The following FARS2 variants were observed in gnomAD, a reference collection of about 807,000 sequenced individuals.
FARS2 encodes the protein phenylalanyl-tRNA synthetase 2, mitochondrial, also known as phenylalanine--tRNA ligase, mitochondrial.
FARS2 carries 40 observed loss-of-function variants against 46.4 expected under a neutral mutation model. That is an observed-to-expected ratio of 0.86 (90% CI 0.67 to 1.12). FARS2 has a LOEUF of 1.12. FARS2 is among the 50% of genes most tolerant of loss of function. FARS2 has a pLI of 0.00. For synonymous variants in FARS2, 234 were observed against 214.9 expected (o/e 1.09, Z -0.78); for missense variants, 513 against 567.9 (o/e 0.90, Z 0.98).
intron 2 of FARS2, among the ~76,000 whole-genome samples, chr6:5,377,296 C>T (rs943662276): frequency 6.6e-6 from 1 of 152,184 alleles, no homozygotes; most frequent in Non-Finnish European, 1.5e-5. Context: ...TGTGTGGGCC[C>T]TGAGGATGGA....
chr6:5,580,206 C>T (rs542393824), intron 5 of FARS2, among the ~76,000 whole-genome samples: 4 of 144,152 alleles, frequency 2.8e-5, no homozygotes, highest in South Asian at 4.7e-4. Flanking sequence ...AGGAGAATGG[C>T]GTGAACCCGA....
At position 5,343,930 on chromosome 6, in the gene FARS2, A is replaced by G. The variant is rs1449854175; in HGVS notation, c.-21-24620A>G. Among the ~76,000 whole-genome samples, 2 of 152,234 alleles carry G rather than the reference A, an allele frequency of 1.3e-5. No individual in the cohort carries two copies. The highest frequency in any genetic ancestry group is 2.4e-5 in the African/African-American group (1 of 41,452). On this transcript the variant is annotated intron_variant, in intron 1 of 6. Coordinates refer to ENST00000274680, the MANE Select transcript of FARS2 (RefSeq NM_006567.5). This position sits in a 1 kb window ranked among gnomAD's most constrained non-coding sequence, Gnocchi z 4.5. ...CCACAGCCATAAGTGGTCCTTGTGC[A>G]TGGCAATGGCTAAGAATGGGCACTG...
At chr6:5,392,893 A>ATAAATTATATATATGTATATATACATATG (rs1562007443) in intron 2 of FARS2, among the ~76,000 whole-genome samples, 1 of 139,330 alleles carries the variant, frequency 7.2e-6, no homozygotes, top group Non-Finnish European at 1.5e-5. Flanking sequence ...ATATACATAT[A>ATAAATTATATATATGTATATATACATATG]TGTGTGTATA....
chr6:5,581,047 G>A (rs1301398549), intron 5 of FARS2, among the ~76,000 whole-genome samples: 2 of 152,230 alleles, frequency 1.3e-5, no homozygotes, highest in East Asian at 1.9e-4. Flanking sequence ...GGAAGCTGAC[G>A]AGGCCCATGG....
At chr6:5,425,637 A>T (rs563950948) in intron 3 of FARS2, among the ~76,000 whole-genome samples, 3 of 152,234 alleles carry the variant, frequency 2.0e-5, no homozygotes, top group African/African-American at 7.2e-5. Flanking sequence ...TGTGGCAGGT[A>T]ATGTCCTGCT....
intron 6 of FARS2, among the ~76,000 whole-genome samples, chr6:5,617,631 A>G (rs2150685902): frequency 6.6e-6 from 1 of 152,358 alleles, no homozygotes; most frequent in Admixed American, 6.5e-5. Flanking sequence ...AAGTTTCTTT[A>G]AAAGTTGAAT....
At chr6:5,487,661 A>G (rs59532380) in intron 4 of FARS2, among the ~76,000 whole-genome samples, 197 of 152,264 alleles carry the variant, frequency 1.3e-3, no homozygotes, top group African/African-American at 4.6e-3. Context: ...TCTCCCCAAC[A>G]CGCATGGGTT....
At chr6:5,571,257 C>T (rs1007651863) in intron 5 of FARS2, among the ~76,000 whole-genome samples, 4 of 152,180 alleles carry the variant, frequency 2.6e-5, no homozygotes, top group African/African-American at 9.7e-5. Context: ...TGGGCCTACA[C>T]GAATATAAGC....
At chr6:5,257,795 C>T (rs1764751718), upstream of FARS2, among the ~76,000 whole-genome samples, 2 of 152,150 alleles carry the variant, frequency 1.3e-5, no homozygotes, top group South Asian at 2.1e-4. Context: ...CATGGAAAAA[C>T]TGTCTTCCAT....
At chr6:5,623,541 G>A (rs995929751) in intron 6 of FARS2, among the ~76,000 whole-genome samples, 8 of 152,138 alleles carry the variant, frequency 5.3e-5, no homozygotes, top group Non-Finnish European at 1.0e-4. Flanking sequence ...GTGAAACCCC[G>A]TCTCTACTAA....
intron 5 of FARS2, among the ~76,000 whole-genome samples, chr6:5,559,392 A>C (rs1013432285): frequency 6.6e-6 from 1 of 152,206 alleles, no homozygotes; most frequent in Non-Finnish European, 1.5e-5. Context: ...CAACAGAGTG[A>C]GACCCTATCT....
chr6:5,718,572 A>G (rs1474497119), intron 6 of FARS2, among the ~76,000 whole-genome samples: 1 of 152,226 alleles, frequency 6.6e-6, no homozygotes, highest in African/African-American at 2.4e-5. Context: ...AGACATTTGA[A>G]ATATCAAATT....
chr6:5,412,398 C>T (rs368056645), intron 3 of FARS2, among the ~76,000 whole-genome samples: 14 of 152,344 alleles, frequency 9.2e-5, no homozygotes, highest in African/African-American at 2.9e-4. Context: ...TTGACTTCTC[C>T]CTCTGCCCAG....
intron 4 of FARS2, among the ~76,000 whole-genome samples, chr6:5,490,406 A>G (rs1767033378): frequency 6.6e-6 from 1 of 152,122 alleles, no homozygotes; most frequent in Admixed American, 6.5e-5. Context: ...CTCTTGTTTC[A>G]ATACTTAGAA....
chr6:5,269,829 G>A (rs71557557), intron 1 of FARS2, among the ~76,000 whole-genome samples: 2,137 of 152,304 alleles, frequency 0.014, 60 homozygotes, highest in African/African-American at 0.048. Flanking sequence ...ATTAACAATA[G>A]AAGATATACA....
chr6:5,754,318 T>C (rs1026444663), intron 6 of FARS2, among the ~76,000 whole-genome samples: 2 of 152,160 alleles, frequency 1.3e-5, no homozygotes, highest in African/African-American at 4.8e-5. Flanking sequence ...AGTAGTCGGA[T>C]CTCTGGGAAG....
chr6:5,520,119 G>T (rs115085531), intron 4 of FARS2, among the ~76,000 whole-genome samples: 1 of 152,076 alleles, frequency 6.6e-6, no homozygotes. Flanking sequence ...GGAACCTGCC[G>T]CACCCTAGGG....
At chr6:5,296,762 T>G (rs773602597) in intron 1 of FARS2, among the ~76,000 whole-genome samples, 9 of 152,194 alleles carry the variant, frequency 5.9e-5, no homozygotes, top group Non-Finnish European at 8.8e-5. Flanking sequence ...TTTCCTTCCT[T>G]TTTAAGGCCG....
rs1765582737 is a variant in FARS2, at chr6:5,467,638, C to T, written c.904+36466C>T. ...TGAACAATCTAATTTTTTCCAGTAG[C>T]TTCCACTCTCTTCTGTGGATAAATG... On this transcript the variant is annotated intron_variant, in intron 4 of 6. Coordinates refer to ENST00000274680, the MANE Select transcript of FARS2 (RefSeq NM_006567.5). 3.9e-5 allele frequency among the ~76,000 whole-genome samples: 6 copies of T among 152,276 alleles called. 2 individuals carry two copies. The highest frequency in any genetic ancestry group is 1.4e-4 in the African/African-American group (6 of 41,546).
Sources: gnomAD v4.1 joint callset for allele counts (sites outside exome capture counted in the v4.1 genomes callset) on GRCh38, gnomAD v4.1.1 for gene constraint, Gnocchi (gnomAD v3.1) non-coding constraint, MANE v1.5 for transcripts, NCBI Gene and HGNC (gene_info 2026-07-23, HGNC 2026-07-21) for gene names.